Variants in CTBP2 observed in about 807,000 individuals in gnomAD.
CTBP2 encodes C-terminal binding protein 2.
A neutral mutation model predicts 80.3 loss-of-function variants in CTBP2; 30 were observed. That is an observed-to-expected ratio of 0.37 (90% CI 0.28 to 0.51). The LOEUF is 0.51. Among genes scored for constraint, CTBP2 ranks in the 20% least tolerant of loss-of-function variants. The probability of loss-of-function intolerance (pLI) is 0.93; values close to 1 mark genes in which losing one functional copy is unlikely to be tolerated. For missense variants in CTBP2, 1,212 were observed against 1,375.3 expected (o/e 0.88, Z 1.88); for synonymous variants, 594 against 587.4 (o/e 1.01, Z -0.16).
chr10:125,094,855 A>G (rs1590731405), intron 2 of CTBP2, among the ~76,000 whole-genome samples: 1 of 142,140 alleles, frequency 7.0e-6, no homozygotes, highest in Admixed American at 7.1e-5. Flanking sequence ...GGGGCTGATT[A>G]CCGGCAATTT....
chr10:124,990,862 C>T (rs765391929), intron 8 of CTBP2, among the ~76,000 whole-genome samples: 19 of 152,250 alleles, frequency 1.2e-4, no homozygotes, highest in Non-Finnish European at 2.4e-4. Flanking sequence ...GCTGCCTGGC[C>T]GTCACCAGAA....
intron 2 of CTBP2, among the ~76,000 whole-genome samples, chr10:125,074,153 A>C (rs1169092214): frequency 1.3e-5 from 2 of 152,180 alleles, no homozygotes; most frequent in Non-Finnish European, 2.9e-5. Flanking sequence ...TGAATATGAT[A>C]ATCAGTCCCT....
intron 2 of CTBP2, among the ~76,000 whole-genome samples, chr10:125,073,036 C>G (rs994445358): frequency 2.6e-5 from 4 of 152,232 alleles, no homozygotes; most frequent in Non-Finnish European, 5.9e-5. Flanking sequence ...CCCAAGAACA[C>G]AGTGTCAGAG....
chr10:125,050,336 T>C (rs1962415730), intron 2 of CTBP2, among the ~76,000 whole-genome samples: 1 of 152,262 alleles, frequency 6.6e-6, no homozygotes, highest in Admixed American at 6.5e-5. Context: ...CCAGACCTTA[T>C]CTTTTCAACC....
At chr10:125,086,014 T>C (rs1036657766) in intron 2 of CTBP2, among the ~76,000 whole-genome samples, 1 of 152,198 alleles carries the variant, frequency 6.6e-6, no homozygotes, top group Non-Finnish European at 1.5e-5. Flanking sequence ...GGCCTCCTCC[T>C]GCCACGCCAA....
At chr10:125,122,199 C>T (rs904897298) in intron 1 of CTBP2, among the ~76,000 whole-genome samples, 8 of 152,328 alleles carry the variant, frequency 5.3e-5, no homozygotes, top group African/African-American at 1.2e-4. Flanking sequence ...AACTTACACA[C>T]GTATGTAACT....
intron 1 of CTBP2, among the ~76,000 whole-genome samples, chr10:125,124,518 A>T (rs541488506): frequency 6.6e-6 from 1 of 152,230 alleles, no homozygotes; most frequent in Non-Finnish European, 1.5e-5. Context: ...TAGATAAAAA[A>T]TAAGCAGATT....
rs1323950380 is a variant in CTBP2, at chr10:125,018,723, C to A, written c.1678+7359G>T. On this transcript the variant is annotated intron_variant, in intron 1 of 8. Coordinates refer to ENST00000309035, the MANE Select transcript of CTBP2 (RefSeq NM_022802.3). ...CCATGGGCCACCTGGGGTAGGTGCA[C>A]CCCACCAGCCCTGCGGAGGCACCGT... Among the ~76,000 whole-genome samples, 3 of 152,324 alleles carry A rather than the reference C, an allele frequency of 2.0e-5. No homozygotes were observed. The East Asian group carries it at 5.8e-4, about 29-fold the overall frequency.
intron 2 of CTBP2, among the ~76,000 whole-genome samples, chr10:125,088,729 G>A (rs376663249): frequency 3.9e-5 from 6 of 152,260 alleles, no homozygotes; most frequent in East Asian, 1.9e-4. Context: ...CCTAACAATT[G>A]AGTTTTGTTA....
At chr10:125,009,141 G>A (rs1955581438) in intron 1 of CTBP2, among the ~76,000 whole-genome samples, 1 of 152,202 alleles carries the variant, frequency 6.6e-6, no homozygotes, top group African/African-American at 2.4e-5. Context: ...ACTCTCGTGG[G>A]AAAACTGCTG....
At chr10:125,012,319 G>C (rs1036165301) in intron 1 of CTBP2, among the ~76,000 whole-genome samples, 1 of 152,186 alleles carries the variant, frequency 6.6e-6, no homozygotes, top group Non-Finnish European at 1.5e-5. Flanking sequence ...GAGGCTCTGC[G>C]ACATACCCTC....
At chr10:125,082,097 T>C (rs1847256709) in intron 2 of CTBP2, among the ~76,000 whole-genome samples, 1 of 151,384 alleles carries the variant, frequency 6.6e-6, no homozygotes, top group Admixed American at 6.6e-5. Flanking sequence ...GGAACAGACC[T>C]GAAAGTCACA....
chr10:125,123,795 T>C (rs571948113), intron 1 of CTBP2, among the ~76,000 whole-genome samples: 1 of 152,312 alleles, frequency 6.6e-6, no homozygotes, highest in East Asian at 1.9e-4. Flanking sequence ...AATTCTTTCC[T>C]GGGAGCGGGC....
intron 5 of CTBP2, 105 bp downstream of exon 7, chr10:124,994,364 T>G (rs1338108667): frequency 1.8e-6 from 2 of 1,108,424 alleles, no homozygotes; most frequent in Admixed American, 4.0e-5. Context: ...TGCTCAACAG[T>G]GTATCCAGAA....
At chr10:125,002,633 A>G (rs567786487) in intron 3 of CTBP2, among the ~76,000 whole-genome samples, 1 of 152,242 alleles carries the variant, frequency 6.6e-6, no homozygotes, top group East Asian at 1.9e-4. Context: ...GGTGGTTTAG[A>G]GGACATGTGG....
At chr10:125,055,376 G>A (rs1238885327) in intron 2 of CTBP2, among the ~76,000 whole-genome samples, 1 of 152,180 alleles carries the variant, frequency 6.6e-6, no homozygotes, top group African/African-American at 2.4e-5. Context: ...CAGGTGCCAT[G>A]CCCTCATGTG....
chr10:125,129,967 T>C (rs948461219), intron 1 of CTBP2, among the ~76,000 whole-genome samples: 1 of 151,562 alleles, frequency 6.6e-6, no homozygotes, highest in African/African-American at 2.4e-5. Flanking sequence ...GACAATGACA[T>C]GTGCAACATG....
At chr10:125,150,025 G>A (rs1289341193) in intron 1 of CTBP2, among the ~76,000 whole-genome samples, 1 of 152,244 alleles carries the variant, frequency 6.6e-6, no homozygotes, top group Non-Finnish European at 1.5e-5. Context: ...GGTTTTCACA[G>A]GAGTGGTGCA....
intron 2 of CTBP2, among the ~76,000 whole-genome samples, chr10:125,104,134 A>G (rs1374435476): frequency 1.3e-5 from 2 of 152,206 alleles, no homozygotes; most frequent in African/African-American, 2.4e-5. Flanking sequence ...CCGTTCCCAG[A>G]AATCAAGGCT....
Sources: allele counts gnomAD v4.1 joint callset (sites outside exome capture counted in the v4.1 genomes callset), GRCh38; gene constraint gnomAD v4.1.1; transcripts MANE v1.5; gene names NCBI Gene and HGNC (gene_info 2026-07-23, HGNC 2026-07-21).